ADAMTS9: variants seen among roughly 807,000 people sequenced by gnomAD.
ADAMTS9 encodes ADAM metallopeptidase with thrombospondin type 1 motif 9.
In ADAMTS9, 107 loss-of-function variants were observed where a neutral mutation model predicts 257.1. That is an observed-to-expected ratio of 0.42 (90% CI 0.36 to 0.49). The LOEUF (loss-of-function observed/expected upper bound fraction) is 0.49. Ranked by LOEUF, ADAMTS9 falls within the 20% of genes least tolerant of loss-of-function variation. ADAMTS9 has a pLI of 0.03. For synonymous variants in ADAMTS9, 982 were observed against 880.9 expected (o/e 1.11, Z -2.03); for missense variants, 2,353 against 2,469.1 (o/e 0.95, Z 1.00).
intron 3 of ADAMTS9, among the ~76,000 whole-genome samples, chr3:64,666,872 G>A (rs888557927): frequency 1.3e-5 from 2 of 152,146 alleles, no homozygotes; most frequent in Non-Finnish European, 2.9e-5. Flanking sequence ...CTTTGATGGG[G>A]TGCAGTGGAT....
At chr3:64,614,203 G>A (rs890403281) in intron 21 of ADAMTS9, among the ~76,000 whole-genome samples, 7 of 152,120 alleles carry the variant, frequency 4.6e-5, no homozygotes, top group Admixed American at 3.9e-4. Flanking sequence ...TATTGCAAAG[G>A]TTTGTTACTT....
In ADAMTS9 at chr3:64,686,586, G is replaced by A. The variant is rs769874015; in HGVS notation, c.498C>T (p.Ile166=). 4 of 1,611,702 alleles carry A rather than the reference G, an allele frequency of 2.5e-6. No homozygotes were observed. Among genetic ancestry groups the A allele is most frequent in the Non-Finnish European group, 2.5e-6 (3 of 1,179,008 alleles). ...VNTNSEHTAV[I]SLCSGMLGTF... is the part of the protein sequence containing the mutation. ...CACTTACCATTCCTGAGCAGAGGCT[G>A]ATGACGGCCGTGTGCTCGGAGTTGG... Residue 166 remains isoleucine, a synonymous_variant, in exon 2 of 40, where the codon ATC becomes ATT. Coordinates refer to ENST00000498707, the MANE Select transcript of ADAMTS9 (RefSeq NM_182920.2). This position sits in a 1 kb window ranked among gnomAD's most constrained non-coding sequence, Gnocchi z 4.6.
At chr3:64,532,197 G>A (rs1015920893) in intron 38 of ADAMTS9, among the ~76,000 whole-genome samples, 2 of 152,180 alleles carry the variant, frequency 1.3e-5, no homozygotes, top group Non-Finnish European at 2.9e-5. Flanking sequence ...CACATCGCAA[G>A]TTGGAAATAT....
At chr3:64,623,547 A>G (rs1374433577) in intron 16 of ADAMTS9, among the ~76,000 whole-genome samples, 1 of 152,178 alleles carries the variant, frequency 6.6e-6, no homozygotes, top group Non-Finnish European at 1.5e-5. Context: ...CAAATTCCTT[A>G]CATGAGAAAC....
intron 3 of ADAMTS9, among the ~76,000 whole-genome samples, chr3:64,668,629 G>A (rs1308229282): frequency 6.6e-6 from 1 of 152,134 alleles, no homozygotes; most frequent in Non-Finnish European, 1.5e-5. Context: ...ATAAAGTGTC[G>A]GAACAGGGCC....
At chr3:64,640,816 T>C (rs1014550426) in intron 12 of ADAMTS9, among the ~76,000 whole-genome samples, 1 of 152,194 alleles carries the variant, frequency 6.6e-6, no homozygotes, top group African/African-American at 2.4e-5. Flanking sequence ...TTATTATCTA[T>C]AAACAACCTT....
At chr3:64,621,325 C>G (rs1700098456) in intron 18 of ADAMTS9, 85 bp from the exon 19 acceptor site, 1 of 1,432,430 alleles carries the variant, frequency 7.0e-7, no homozygotes, top group African/African-American at 1.4e-5. Context: ...AGCATTTTCT[C>G]TAAAGAGCCA....
At chr3:64,661,708 G>A (rs760578487) in intron 3 of ADAMTS9, among the ~76,000 whole-genome samples, 11 of 152,080 alleles carry the variant, frequency 7.2e-5, no homozygotes, top group Admixed American at 2.6e-4. Flanking sequence ...ATATTTTCAC[G>A]AAGATTTTTG....
chr3:64,528,216 G>A (rs1324579338), intron 38 of ADAMTS9, among the ~76,000 whole-genome samples: 1 of 152,064 alleles, frequency 6.6e-6, no homozygotes. Context: ...GTCTCTGAAG[G>A]CCTATTCCAG....
At chr3:64,627,734 G>A (rs1161617832) in intron 16 of ADAMTS9, among the ~76,000 whole-genome samples, 3 of 152,112 alleles carry the variant, frequency 2.0e-5, no homozygotes, top group African/African-American at 4.8e-5. Context: ...CATCAGAGCT[G>A]GGTTGCTACA....
Position 64,629,828 on chromosome 3 carries a change from A to G in ADAMTS9, c.2389+1627T>C, listed in dbSNP as rs568069601. 1.2e-4 allele frequency among the ~76,000 whole-genome samples: 19 copies of G among 152,342 alleles called. No homozygotes were observed. The South Asian group carries it at 3.7e-3, about 30-fold the overall frequency. The stretch of plus-strand genomic sequence containing the variant: ...ATGAATAGTGATAGCAAATGCCATA[A>G]TGGAGTCATGTATAAATATCATACT... On this transcript the variant is annotated intron_variant, in intron 16 of 39. Coordinates refer to ENST00000498707, the MANE Select transcript of ADAMTS9 (RefSeq NM_182920.2).
At chr3:64,630,082 A>G (rs1700330518) in intron 16 of ADAMTS9, among the ~76,000 whole-genome samples, 1 of 152,036 alleles carries the variant, frequency 6.6e-6, no homozygotes, top group East Asian at 1.9e-4. Flanking sequence ...TTTAAGATTG[A>G]CTGCCCAGCA....
intron 27 of ADAMTS9, among the ~76,000 whole-genome samples, chr3:64,595,212 C>G (rs2084341935): frequency 6.6e-6 from 1 of 152,190 alleles, no homozygotes; most frequent in East Asian, 1.9e-4. Flanking sequence ...GACTCCGTCT[C>G]CATAGCCCTT....
At position 64,549,253 on chromosome 3, in the gene ADAMTS9, G is replaced by C. The variant is rs191125040; in HGVS notation, c.4869+1639C>G. On this transcript the variant is annotated intron_variant, in intron 31 of 39. Coordinates refer to ENST00000498707, the MANE Select transcript of ADAMTS9 (RefSeq NM_182920.2). Reference sequence around the variant, plus strand: ...CTGCAAATTTACAGAAATGTGGAAGGCTTCCTTTTTTCTTTTCAATCTTCT... The same window carrying C: ...CTGCAAATTTACAGAAATGTGGAAGCCTTCCTTTTTTCTTTTCAATCTTCT... Among the ~76,000 whole-genome samples the C allele has an allele frequency of 1.3e-3, 200 of 152,258 alleles. 2 individuals carry two copies. In the Middle Eastern group the frequency reaches 0.024, roughly 18 times the overall value.
chr3:64,686,846 T>C lies in ADAMTS9; in HGVS notation c.238A>G (p.Thr80Ala). ...GAGGCGAAGGCAGGCCAGGGGTCAGTGGCAGAGTTAATGCTCCGTCGCGTT... is the reference window on the plus strand; with the variant it reads ...GAGGCGAAGGCAGGCCAGGGGTCAGCGGCAGAGTTAATGCTCCGTCGCGTT... ...KRTRRSINSA[T>A]DPWPAFASSS... Residue 80 changes from threonine to alanine, a missense_variant, in exon 2 of 40, where the codon ACT (threonine) becomes GCT (alanine). Transcript: ENST00000498707. The surrounding 1 kb of genome is among the most constrained non-coding windows in gnomAD (Gnocchi z 4.6). 1 of 1,614,038 alleles carries C rather than the reference T, an allele frequency of 6.2e-7. No individual in the cohort carries two copies. Among genetic ancestry groups the C allele is most frequent in the African/African-American group, 1.3e-5 (1 of 75,002 alleles).
chr3:64,612,102 T>G (rs1157189784), intron 22 of ADAMTS9, among the ~76,000 whole-genome samples: 1 of 152,160 alleles, frequency 6.6e-6, no homozygotes, highest in African/African-American at 2.4e-5. Flanking sequence ...GTTTTCTTCT[T>G]TTTGCTGAAT....
rs113145901 is a variant in ADAMTS9 at position 64,539,564 on chromosome 3, G to A, written c.5522-270C>T. On this transcript the variant is annotated intron_variant, in intron 36 of 39. Transcript: ENST00000498707. The stretch of plus-strand genomic sequence containing the variant: ...CCACAGTATGGAAGCCAAAAAGGGG[G>A]TTTCAAATGACTTTGGAATTGATTC... Among the ~76,000 whole-genome samples the A allele has an allele frequency of 4.4e-3, 672 of 152,294 alleles. 1 individual carries two copies. Among genetic ancestry groups the A allele is most frequent in the African/African-American group, 0.015 (628 of 41,572 alleles).
chr3:64,552,976 T>G (rs1428494820), intron 30 of ADAMTS9, among the ~76,000 whole-genome samples: 1 of 152,208 alleles, frequency 6.6e-6, no homozygotes, highest in East Asian at 1.9e-4. Flanking sequence ...TCAAAGGCAT[T>G]TATGTTTGGA....
At chr3:64,539,693 A>C (rs1428090692) in intron 36 of ADAMTS9, among the ~76,000 whole-genome samples, 1 of 152,194 alleles carries the variant, frequency 6.6e-6, no homozygotes, top group African/African-American at 2.4e-5. Flanking sequence ...AGGGGGAAAT[A>C]AGCCAGGAAG....
Sources: gnomAD v4.1 joint callset for allele counts (sites outside exome capture counted in the v4.1 genomes callset) on GRCh38, gnomAD v4.1.1 for gene constraint, Gnocchi (gnomAD v3.1) non-coding constraint, MANE v1.5 for transcripts, NCBI Gene and HGNC (gene_info 2026-07-23, HGNC 2026-07-21) for gene names.